The following SUGCT variants were observed in gnomAD, a reference collection of about 807,000 sequenced individuals.
SUGCT encodes the protein succinyl-CoA:glutarate CoA-transferase.
A neutral mutation model predicts 55.0 loss-of-function variants in SUGCT; 41 were observed. That is an observed-to-expected ratio of 0.74 (90% CI 0.58 to 0.97). The LOEUF (loss-of-function observed/expected upper bound fraction) is 0.97. Ranked by LOEUF, SUGCT falls within the 50% of genes least tolerant of loss-of-function variation. The pLI is 0.00. For synonymous variants in SUGCT, 187 were observed against 200.4 expected (o/e 0.93, Z 0.56); for missense variants, 568 against 547.8 (o/e 1.04, Z -0.37).
intron 12 of SUGCT, among the ~76,000 whole-genome samples, chr7:40,681,043 ACT>A (rs1482135948): frequency 2.6e-5 from 4 of 152,212 alleles, no homozygotes; most frequent in African/African-American, 9.6e-5. Flanking sequence ...CACCTCAGAT[ACT>A]GGGAACCATG....
At chr7:40,366,305 A>C (rs1783957220) in intron 9 of SUGCT, among the ~76,000 whole-genome samples, 1 of 152,212 alleles carries the variant, frequency 6.6e-6, no homozygotes, top group South Asian at 2.1e-4. Flanking sequence ...TAAAACCATA[A>C]AAACCCTAGA....
chr7:40,305,658 A>AT (rs1263767071), intron 8 of SUGCT, among the ~76,000 whole-genome samples: 1 of 151,776 alleles, frequency 6.6e-6, no homozygotes, highest in South Asian at 2.1e-4. Flanking sequence ...AACTCCAGTT[A>AT]TTTTTTTATT....
At chr7:40,853,125 G>C (rs945854612) in intron 13 of SUGCT, among the ~76,000 whole-genome samples, 4 of 151,536 alleles carry the variant, frequency 2.6e-5, no homozygotes, top group African/African-American at 4.8e-5. Flanking sequence ...TAGGGTCCAG[G>C]TCTATGTTTT....
At chr7:40,589,687 T>G (rs1797607665) in intron 12 of SUGCT, among the ~76,000 whole-genome samples, 1 of 152,208 alleles carries the variant, frequency 6.6e-6, no homozygotes, top group African/African-American at 2.4e-5. Flanking sequence ...AAAGTAGACA[T>G]AAGTAAGGCC....
At chr7:40,151,188 C>A (rs548373912) in intron 1 of SUGCT, among the ~76,000 whole-genome samples, 3 of 152,106 alleles carry the variant, frequency 2.0e-5, no homozygotes, top group African/African-American at 7.2e-5. Context: ...TGTAGTGAGC[C>A]GAGATTGCGC....
At chr7:40,819,979 C>T (rs1269721380) in intron 13 of SUGCT, among the ~76,000 whole-genome samples, 9 of 152,290 alleles carry the variant, frequency 5.9e-5, no homozygotes, top group African/African-American at 2.2e-4. Flanking sequence ...CTACATATGG[C>T]TAGCCAGTTT....
At chr7:41,007,633 T>C in the SUGCT span, among the ~76,000 whole-genome samples, 1 of 152,078 alleles carries the variant, frequency 6.6e-6, no homozygotes, top group Non-Finnish European at 1.5e-5. Flanking sequence ...ACTTTGAACT[T>C]TTGGTGAAAG....
At chr7:41,037,024 C>A in the SUGCT span, among the ~76,000 whole-genome samples, 1 of 152,160 alleles carries the variant, frequency 6.6e-6, no homozygotes, top group East Asian at 1.9e-4. Context: ...GGACAAGTGA[C>A]TTCGACTCTC....
intron 9 of SUGCT, among the ~76,000 whole-genome samples, chr7:40,348,568 T>A (rs964793886): frequency 1.9e-4 from 29 of 152,284 alleles, no homozygotes; most frequent in African/African-American, 6.5e-4. Flanking sequence ...GCCAATACAC[T>A]TGACTCACAA....
At chr7:40,874,618 A>G in the SUGCT span, among the ~76,000 whole-genome samples, 2 of 152,178 alleles carry the variant, frequency 1.3e-5, no homozygotes, top group African/African-American at 4.8e-5. Flanking sequence ...ATGAGCACGT[A>G]AGAATTTGTG....
At chr7:40,638,757 TTGCCTTCTG>T (rs1211990029) in intron 12 of SUGCT, among the ~76,000 whole-genome samples, 1 of 152,138 alleles carries the variant, frequency 6.6e-6, no homozygotes, top group Admixed American at 6.5e-5. Flanking sequence ...TGATGTCAGA[TTGCCTTCTG>T]GAGGTGTGAT....
chr7:40,583,380 T>G (rs1222288087), intron 12 of SUGCT, among the ~76,000 whole-genome samples: 1 of 152,186 alleles, frequency 6.6e-6, no homozygotes, highest in Admixed American at 6.5e-5. Flanking sequence ...GATTGATCTT[T>G]CCTTGGCTTT....
the SUGCT span, among the ~76,000 whole-genome samples, chr7:41,020,062 T>C: frequency 2.6e-5 from 4 of 152,194 alleles, no homozygotes; most frequent in African/African-American, 9.6e-5. Context: ...TTTCCTAAAG[T>C]GAAAATAACA....
intron 12 of SUGCT, among the ~76,000 whole-genome samples, chr7:40,570,169 A>G (rs139941622): frequency 2.3e-3 from 351 of 152,370 alleles, no homozygotes; most frequent in Admixed American, 4.2e-3. Context: ...ACTTATTTTA[A>G]ACATTTTTGG....
chr7:40,448,214 T>TCTTCCCTCCCTCCC (rs1328137697), intron 9 of SUGCT, among the ~76,000 whole-genome samples: 1 of 100,692 alleles, frequency 9.9e-6, no homozygotes, highest in African/African-American at 4.4e-5. Flanking sequence ...CCTCTCCCAG[T>TCTTCCCTCCCTCCC]TCCCTCCCTC....
chr7:40,203,902 A>G (rs1178093299), intron 6 of SUGCT, among the ~76,000 whole-genome samples: 1 of 152,188 alleles, frequency 6.6e-6, no homozygotes, highest in Non-Finnish European at 1.5e-5. Flanking sequence ...TATATAATTT[A>G]AAAATATATT....
chr7:40,534,885 C>T (rs1456617063), intron 12 of SUGCT, among the ~76,000 whole-genome samples: 3 of 152,068 alleles, frequency 2.0e-5, no homozygotes, highest in African/African-American at 7.2e-5. Context: ...ATGTTTATAA[C>T]TTATTGGTGA....
chr7:40,339,257 A>G (rs1471237078), intron 9 of SUGCT, among the ~76,000 whole-genome samples: 3 of 152,156 alleles, frequency 2.0e-5, no homozygotes, highest in African/African-American at 7.2e-5. Flanking sequence ...TGGGAGAACC[A>G]CTGTTCTCTT....
intron 12 of SUGCT, among the ~76,000 whole-genome samples, chr7:40,588,077 A>C (rs1373124366): frequency 6.6e-6 from 1 of 151,654 alleles, no homozygotes; most frequent in Admixed American, 6.6e-5. Context: ...TAATTTTTGT[A>C]TTTTTAGTAG....
Sources: allele counts gnomAD v4.1 joint callset (sites outside exome capture counted in the v4.1 genomes callset), GRCh38; gene constraint gnomAD v4.1.1; transcripts MANE v1.5; gene names NCBI Gene and HGNC (gene_info 2026-07-23, HGNC 2026-07-21).